Variants in DMD observed in about 807,000 individuals in gnomAD.
The protein encoded by DMD is mutant dystrophin.
Under a neutral mutation model 330.1 loss-of-function variants are expected in DMD, and 63 were observed. That is an observed-to-expected ratio of 0.19 (90% confidence interval 0.16 to 0.24). The LOEUF (loss-of-function observed/expected upper bound fraction) is 0.24. Among genes scored for constraint, DMD ranks in the 10% least tolerant of loss-of-function variants. The pLI, the probability that DMD is intolerant of heterozygous loss-of-function variation, is 1.00. For missense variants in DMD, 3,344 were observed against 2,684.1 expected (o/e 1.25, Z -5.43); for synonymous variants, 1,223 against 959.8 (o/e 1.27, Z -5.07).
At position 32,059,979 on chromosome X, in the gene DMD, C is replaced by T. The variant is rs764251884; in HGVS notation, c.6439-91465G>A. ...TGCATACTCCATCCATAGGGTGATG[C>T]CAAAGAAGGAGGAAACAAGTAGTTT... On this transcript the variant is annotated intron_variant, in intron 44 of 78. Transcript: ENST00000357033. Among the ~76,000 whole-genome samples, 144 of 111,199 alleles carry T rather than the reference C, an allele frequency of 1.3e-3. 1 individual carries two copies. Among genetic ancestry groups the T allele is most frequent in the Non-Finnish European group, 1.6e-3 (85 of 52,849 alleles).
At position 32,886,398 on chromosome X, in the gene DMD, T is replaced by C. The variant is rs187373708; in HGVS notation, c.94-36578A>G. Among the ~76,000 whole-genome samples, 379 of 111,161 alleles carry C rather than the reference T, an allele frequency of 3.4e-3. 2 individuals are homozygous for C. The highest frequency in any genetic ancestry group is 0.011 in the African/African-American group (338 of 30,621). ...AAAGACCCTTTAAAAAATGTTAATA[T>C]CCTGGCTGGGCACGGTGGCTCAAGC... On this transcript the variant is annotated intron_variant, in intron 2 of 78. Transcript: ENST00000357033.
chrX:32,409,649 C>T (rs2098133812), intron 30 of DMD, among the ~76,000 whole-genome samples: 1 of 111,803 alleles, frequency 8.9e-6, no homozygotes, highest in Non-Finnish European at 1.9e-5. Flanking sequence ...AAGTCTGTCA[C>T]AAAGTAATTC....
At chrX:31,262,440 C>A (rs1399829161) in intron 62 of DMD, among the ~76,000 whole-genome samples, 1 of 112,079 alleles carries the variant, frequency 8.9e-6, no homozygotes, top group Non-Finnish European at 1.9e-5. Flanking sequence ...TCATAAACCT[C>A]ATAAAGACAT....
At chrX:33,081,705 C>T (rs1264243867) in intron 1 of DMD, among the ~76,000 whole-genome samples, 1 of 111,757 alleles carries the variant, frequency 8.9e-6, no homozygotes, top group Admixed American at 9.5e-5. Context: ...CCTTATCTTC[C>T]GGGTGACCAA....
At chrX:32,742,395 C>T (rs2069403960) in intron 7 of DMD, among the ~76,000 whole-genome samples, 1 of 111,730 alleles carries the variant, frequency 9.0e-6, no homozygotes, top group Admixed American at 9.6e-5. Flanking sequence ...AACAAGGAAT[C>T]AGACAAGTAA....
At chrX:31,549,069 T>C (rs2074324006) in intron 55 of DMD, among the ~76,000 whole-genome samples, 1 of 111,339 alleles carries the variant, frequency 9.0e-6, no homozygotes, top group African/African-American at 3.3e-5. Context: ...TGAAGGCCCA[T>C]AAAAATGAGG....
intron 28 of DMD, among the ~76,000 whole-genome samples, chrX:32,440,390 G>A (rs1035947415): frequency 2.7e-5 from 3 of 111,312 alleles, no homozygotes; most frequent in African/African-American, 9.8e-5. Flanking sequence ...CTACTCTGAT[G>A]TTCTAGGATT....
At chrX:32,510,176 A>C (rs1276742117) in intron 18 of DMD, among the ~76,000 whole-genome samples, 4 of 111,713 alleles carry the variant, frequency 3.6e-5, no homozygotes, top group Non-Finnish European at 7.5e-5. Context: ...ATCTTAATTA[A>C]CTTCCTTAAC....
intron 2 of DMD, among the ~76,000 whole-genome samples, chrX:32,912,581 A>G (rs1439072695): frequency 1.8e-5 from 2 of 112,206 alleles, no homozygotes; most frequent in Non-Finnish European, 3.8e-5. Context: ...ATGACGGAAT[A>G]TGACATAATG....
At chrX:32,267,141 TTC>T (rs1295724695) in intron 43 of DMD, among the ~76,000 whole-genome samples, 2 of 112,244 alleles carry the variant, frequency 1.8e-5, no homozygotes, top group Non-Finnish European at 3.8e-5. Flanking sequence ...TAATTTTGAG[TTC>T]TCTTTCTTCT....
At chrX:32,335,980 GTTATATATAA>G (rs2097710912) in intron 41 of DMD, among the ~76,000 whole-genome samples, 2 of 35,034 alleles carry the variant, frequency 5.7e-5, no homozygotes, top group African/African-American at 1.3e-4. Context: ...TGTATAACAT[GTTATATATAA>G]CGTGTATATA....
rs374298104 is a variant in DMD, at chrX:31,341,891, G to GCGCGCGCGCGCACACACACACACACA, written c.9163+6664_9163+6665insTGTGTGTGTGTGTGTGCGCGCGCGCG. Among the ~76,000 whole-genome samples the GCGCGCGCGCGCACACACACACACACA allele has an allele frequency of 6.8e-3, 673 of 98,819 alleles. 7 individuals carry two copies. Among genetic ancestry groups the GCGCGCGCGCGCACACACACACACACA allele is most frequent in the Middle Eastern group, 0.011 (2 of 186 alleles). 85.8% of individuals were successfully genotyped at this position (98,819 alleles called of 115,157 possible). The stretch of plus-strand genomic sequence containing the variant: ...GGCGTGCGCGCGTGCGTGCGCGCGC[G>GCGCGCGCGCGCACACACACACACACA]CACACACACACACACACACACACAC... On this transcript the variant is annotated intron_variant, in intron 61 of 78. Transcript: ENST00000357033.
chrX:31,564,893 G>A (rs2075384448), intron 55 of DMD, among the ~76,000 whole-genome samples: 2 of 112,012 alleles, frequency 1.8e-5, no homozygotes, highest in Non-Finnish European at 3.8e-5. Context: ...CTGTATTACA[G>A]AAGCTCTTAA....
At chrX:33,226,019 AC>A (rs1023215660) in intron 1 of DMD, among the ~76,000 whole-genome samples, 1 of 111,420 alleles carries the variant, frequency 9.0e-6, no homozygotes, top group African/African-American at 3.2e-5. Flanking sequence ...AAACCTCAAT[AC>A]GATATAACTC....
intron 60 of DMD, among the ~76,000 whole-genome samples, chrX:31,398,870 G>C (rs2061060975): frequency 9.0e-6 from 1 of 111,454 alleles, no homozygotes; most frequent in South Asian, 3.8e-4. Context: ...AACTGGAGGG[G>C]AGCAAACTCC....
rs142128738 is a variant in DMD, at chrX:31,478,117, C to T, written c.8926G>A (p.Glu2976Lys). Residue 2976 changes from glutamate (E) to lysine (K), a missense_variant, in exon 59 of 79, where the codon GAG becomes AAG. Transcript: ENST00000357033. ...GAAGTAGACGGTACCTTGACTTTCTCGAGGTGATCTTGGAGAGAGTCAATG... is the reference window on the plus strand; with the variant it reads ...GAAGTAGACGGTACCTTGACTTTCTTGAGGTGATCTTGGAGAGAGTCAATG... ...LLIDSLQDHL[E>K]KVKALRGEIA... 4.0e-5 allele frequency: 48 copies of T among 1,208,538 alleles called. No homozygotes were observed. Among genetic ancestry groups the T allele is most frequent in the Non-Finnish European group, 4.4e-5 (39 of 894,772 alleles).
At chrX:33,170,739 C>T (rs2049297653) in intron 1 of DMD, among the ~76,000 whole-genome samples, 1 of 111,363 alleles carries the variant, frequency 9.0e-6, no homozygotes, top group South Asian at 3.7e-4. Flanking sequence ...TTCCAATGGC[C>T]ATAGATGGCA....
intron 7 of DMD, among the ~76,000 whole-genome samples, chrX:32,771,547 C>A (rs2073605749): frequency 9.0e-6 from 1 of 110,759 alleles, no homozygotes; most frequent in African/African-American, 3.3e-5. Flanking sequence ...TCCTTCTGTG[C>A]CCCAATACGG....
At chrX:32,375,571 T>C (rs1326863085) in intron 34 of DMD, among the ~76,000 whole-genome samples, 2 of 112,178 alleles carry the variant, frequency 1.8e-5, no homozygotes, top group African/African-American at 6.5e-5. Flanking sequence ...AATCATTACT[T>C]CTGTATGCAT....
Sources: allele counts gnomAD v4.1 joint callset (sites outside exome capture counted in the v4.1 genomes callset), GRCh38; gene constraint gnomAD v4.1.1; transcripts MANE v1.5; gene names NCBI Gene and HGNC (gene_info 2026-07-23, HGNC 2026-07-21).